The following TMEM59L variants were observed in gnomAD, a reference collection of about 807,000 sequenced individuals.
TMEM59L encodes the protein transmembrane protein 59-like.
In TMEM59L, 31 loss-of-function variants were observed where a neutral mutation model predicts 39.6. The observed-to-expected ratio is 0.78, with a 90% CI of 0.59 to 1.06. TMEM59L has a LOEUF of 1.06. TMEM59L is among the 50% of genes least tolerant of loss of function. The probability of loss-of-function intolerance (pLI) is 0.00; values close to 1 mark genes in which losing one functional copy is unlikely to be tolerated. For synonymous variants in TMEM59L, 219 were observed against 202.9 expected (o/e 1.08, Z -0.68); for missense variants, 441 against 451.3 (o/e 0.98, Z 0.21).
chr19:18,620,567 A>G lies in TMEM59L; in HGVS notation c.*31A>G, dbSNP rs1976485511. The G allele has an allele frequency of 2.5e-6, 4 of 1,607,476 alleles. No individual in the cohort carries two copies. The highest frequency in any genetic ancestry group is 2.2e-5 in the South Asian group (2 of 90,844). On this transcript the variant is annotated 3_prime_UTR_variant, in exon 8 of 8. Transcript: ENST00000262817. ...CACTGGCCCCATCACTGCCAACTGC[A>G]GGGGGCCCCTCGGGCCTCACTTGCC...
intron 7 of TMEM59L, 27 bp downstream of exon 7, chr19:18,618,519 G>A: frequency 6.3e-7 from 1 of 1,585,636 alleles, no homozygotes; most frequent in Non-Finnish European, 8.6e-7. Flanking sequence ...AATGGCGCTG[G>A]GCCGAGGGAG....
chr19:18,613,533 C>A (rs1344435383), intron 1 of TMEM59L, among the ~76,000 whole-genome samples: 6 of 151,934 alleles, frequency 3.9e-5, no homozygotes, highest in Non-Finnish European at 7.4e-5. Flanking sequence ...CAAGCCTGAT[C>A]TGCGTGTGAC....
At chr19:18,614,773 C>G (rs904750364) in intron 3 of TMEM59L, among the ~76,000 whole-genome samples, 1 of 152,192 alleles carries the variant, frequency 6.6e-6, no homozygotes, top group Non-Finnish European at 1.5e-5. Flanking sequence ...GAAATAATAA[C>G]GGTTCATCTA....
In TMEM59L at chr19:18,613,045, C is replaced by A. The variant is rs1976387310; in HGVS notation, c.87C>A (p.Arg29=). The A allele has an allele frequency of 7.2e-7, 1 of 1,392,684 alleles. No homozygotes were observed. Among genetic ancestry groups the A allele is most frequent in the Non-Finnish European group, 9.3e-7 (1 of 1,075,524 alleles). 86.3% of individuals were successfully genotyped at this position (1,392,684 alleles called of 1,614,324 possible). ...SPPAASAPSA[R]DPFAPQLGDT... ...CCGCCGCCTCCGCGCCGTCCGCCCG[C>A]GATCCCTTCGCCCCCCAGCTCGGGG... The change falls in exon 1 of 8, where the codon CGC becomes CGA. Residue 29 remains arginine, a synonymous_variant. Transcript: ENST00000262817.
At position 18,615,730 on chromosome 19, in the gene TMEM59L, C is replaced by G. The variant is rs778397751; in HGVS notation, c.409-245C>G. Among the ~76,000 whole-genome samples, 9 of 152,338 alleles carry G rather than the reference C, an allele frequency of 5.9e-5. No homozygotes were observed. The South Asian group carries it at 8.3e-4, about 14-fold the overall frequency. ...TCAAGCAAATCTCCTGCCTCAGCCT[C>G]TGGAGTAGCTGAGATTCCAGGCGTG... On this transcript the variant is annotated intron_variant, in intron 3 of 7. Transcript: ENST00000262817.
At chr19:18,620,356 G>C (rs1187613055) in intron 7 of TMEM59L, 52 bp from the exon 8 acceptor site, 1 of 1,540,170 alleles carries the variant, frequency 6.5e-7, no homozygotes, top group African/African-American at 1.4e-5. Flanking sequence ...CAGGGTTGGG[G>C]GCTCGGCCTC....
At chr19:18,618,936 C>T (rs1976464470) in intron 7 of TMEM59L, among the ~76,000 whole-genome samples, 1 of 151,816 alleles carries the variant, frequency 6.6e-6, no homozygotes, top group African/African-American at 2.4e-5. Context: ...CTCAGGTGAT[C>T]CATCCGCCTC....
rs944824408 is a variant in TMEM59L, at chr19:18,620,605, G to T, written c.*69G>T. 3.8e-6 allele frequency: 6 copies of T among 1,560,556 alleles called. No individual in the cohort carries two copies. The highest frequency in any genetic ancestry group is 1.2e-5 in the South Asian group (1 of 85,974). On this transcript the variant is annotated 3_prime_UTR_variant, in exon 8 of 8. Transcript: ENST00000262817. ...GGCCTCACTTGCCCTGAGCCCAGGA[G>T]TCCAAGGGCAGGGTGGGTCCAGCCT...
rs1316115674 is a variant in TMEM59L, at chr19:18,617,023, C to T, written c.585C>T (p.Leu195=). The change falls in exon 5 of 8, where the codon CTC becomes CTT. Residue 195 remains leucine, a synonymous_variant. Transcript: ENST00000262817. The stretch of plus-strand genomic sequence containing the variant: ...AGACTCAGCCCATAGTGGAGAGCCT[C>T]GGCTTCCAGGGGGGCCGTCTGCAGC... ...VFQTQPIVES[L]GFQGGRLQRV... 8 of 1,612,124 alleles carry T rather than the reference C, an allele frequency of 5.0e-6. No individual in the cohort carries two copies. Among genetic ancestry groups the T allele is most frequent in the East Asian group, 4.5e-5 (2 of 44,864 alleles).
intron 3 of TMEM59L, among the ~76,000 whole-genome samples, chr19:18,614,625 C>A (rs1035363462): frequency 6.6e-6 from 1 of 152,248 alleles, no homozygotes; most frequent in African/African-American, 2.4e-5. Context: ...CTCTTAGGCG[C>A]CCCCAGAGCT....
chr19:18,616,002 G>C lies in TMEM59L; in HGVS notation c.436G>C (p.Ala146Pro). The change falls in exon 4 of 8, where the codon GCC becomes CCC. Residue 146 changes from alanine (A) to proline (P), a missense_variant. Ala to Pro is a conservative substitution (Grantham distance 27, BLOSUM62 -1). Transcript: ENST00000262817. ...KRKVLEAPSG[A>P]LSLLDLFSTL... ...AAAGGTCCTGGAGGCTCCAAGTGGG[G>C]CCCTCTCCCTCTTGGACTTGTTTTC... The C allele has an allele frequency of 1.2e-6, 2 of 1,613,994 alleles. No individual in the cohort carries two copies. The highest frequency in any genetic ancestry group is 8.5e-7 in the Non-Finnish European group (1 of 1,179,966).
At position 18,617,035 on chromosome 19, in the gene TMEM59L, G is replaced by T; in HGVS notation, c.597G>T (p.Gly199=). 6.2e-7 allele frequency: 1 copy of T among 1,612,932 alleles called. No individual in the cohort carries two copies. Among genetic ancestry groups the T allele is most frequent in the Non-Finnish European group, 8.5e-7 (1 of 1,179,664 alleles). Reference sequence around the variant, plus strand: ...TAGTGGAGAGCCTCGGCTTCCAGGGGGGCCGTCTGCAGCGCGTGGAGGTGA... The same window carrying T: ...TAGTGGAGAGCCTCGGCTTCCAGGGTGGCCGTCTGCAGCGCGTGGAGGTGA... ...QPIVESLGFQ[G]GRLQRVEVTW... The change falls in exon 5 of 8, where the codon GGG becomes GGT. Residue 199 remains glycine (G), a synonymous_variant. Coordinates refer to ENST00000262817, the MANE Select transcript of TMEM59L (RefSeq NM_012109.3).
Position 18,613,139 on chromosome 19 carries a change from G to T in TMEM59L, c.171+10G>T. 9 of 1,273,396 alleles carry T rather than the reference G, an allele frequency of 7.1e-6. No homozygotes were observed. In the South Asian group the frequency reaches 1.7e-4, roughly 24 times the overall value. 78.9% of individuals were successfully genotyped at this position (1,273,396 alleles called of 1,614,324 possible). A position where few individuals can be genotyped will look rare whatever the true frequency, so the allele number is the denominator to read the frequency against. On this transcript the variant is annotated intron_variant, in intron 1 of 7. Coordinates refer to ENST00000262817, the MANE Select transcript of TMEM59L (RefSeq NM_012109.3). ...CCCGCAGCCCTCGCAGGTGAGGCGC[G>T]TGCGGTGCCAGGTGCCAGCGGGGGA...
chr19:18,612,947 T>G lies in TMEM59L; in HGVS notation c.-12T>G. The G allele has an allele frequency of 7.7e-7, 1 of 1,295,298 alleles. No homozygotes were observed. The highest frequency in any genetic ancestry group is 9.7e-7 in the Non-Finnish European group (1 of 1,025,808). 80.2% of individuals were successfully genotyped at this position (1,295,298 alleles called of 1,614,324 possible). On this transcript the variant is annotated 5_prime_UTR_variant, in exon 1 of 8. Coordinates refer to ENST00000262817, the MANE Select transcript of TMEM59L (RefSeq NM_012109.3). The surrounding 1 kb of genome is among the most constrained non-coding windows in gnomAD (Gnocchi z 6.2). The stretch of plus-strand genomic sequence containing the variant: ...GCTGGAGTCCCCCGCGCCCCCCGCG[T>G]TCCGCCCGGCCATGGCTGCGGTGGC...
intron 3 of TMEM59L, among the ~76,000 whole-genome samples, chr19:18,615,155 G>A (rs1228139340): frequency 6.6e-6 from 1 of 152,028 alleles, no homozygotes; most frequent in African/African-American, 2.4e-5. Flanking sequence ...GCTAATTTTT[G>A]TATTTTTAGG....
chr19:18,620,306 A>G (rs537385196), intron 7 of TMEM59L, 102 bp from the exon 8 acceptor site: 1 of 1,268,100 alleles, frequency 7.9e-7, no homozygotes, highest in Middle Eastern at 2.0e-4. Flanking sequence ...TCTCAAAAAA[A>G]GAAAAAAAAT....
Position 18,618,352 on chromosome 19 carries a change from G to T in TMEM59L, c.783-23G>T, listed in dbSNP as rs199880255. 566 of 1,609,902 alleles carry T rather than the reference G, an allele frequency of 3.5e-4. 4 individuals are homozygous for T. In the East Asian group the frequency reaches 0.012, roughly 33 times the overall value. The stretch of plus-strand genomic sequence containing the variant: ...CCCTGGTCCCGGCCTGGGCAGCTGA[G>T]TGGTGCCTGCCGGGCGGGGCAGGCG... On this transcript the variant is annotated intron_variant, in intron 6 of 7. Transcript: ENST00000262817.
Position 18,612,987 on chromosome 19 carries a change from C to CGCTGCT in TMEM59L, c.43_48dup (p.Leu16_Leu17dup), listed in dbSNP as rs748071337. ...GCTGCGGTGGCGCTGATGCCACCGC[C>CGCTGCT]GCTGCTGCTGCTGCTGCTGTTGGCG... is the stretch of plus-strand genomic sequence containing the variant. On this transcript the variant is annotated inframe_insertion, in exon 1 of 8. Coordinates refer to ENST00000262817, the MANE Select transcript of TMEM59L (RefSeq NM_012109.3). The surrounding 1 kb of genome is among the most constrained non-coding windows in gnomAD (Gnocchi z 6.2). 66 of 1,360,450 alleles carry CGCTGCT rather than the reference C, an allele frequency of 4.9e-5. No individual in the cohort carries two copies. The highest frequency in any genetic ancestry group is 6.1e-5 in the African/African-American group (4 of 65,472). 84.3% of individuals were successfully genotyped at this position (1,360,450 alleles called of 1,614,324 possible).
At position 18,620,700 on chromosome 19, in the gene TMEM59L, C is replaced by T. The variant is rs545057939; in HGVS notation, c.*164C>T. 1.4e-5 allele frequency: 15 copies of T among 1,037,336 alleles called. No homozygotes were observed. The highest frequency in any genetic ancestry group is 1.3e-4 in the South Asian group (6 of 47,430). 64.3% of individuals were successfully genotyped at this position (1,037,336 alleles called of 1,614,324 possible). On this transcript the variant is annotated 3_prime_UTR_variant, in exon 8 of 8. Transcript: ENST00000262817. Reference sequence around the variant, plus strand: ...CCCTTGCCCCACGGAGTCCTGGGGACGCAGTGCCCCAGCTGGGAAGAGGGC... The same window carrying T: ...CCCTTGCCCCACGGAGTCCTGGGGATGCAGTGCCCCAGCTGGGAAGAGGGC...
Sources: gnomAD v4.1 joint callset for allele counts (sites outside exome capture counted in the v4.1 genomes callset) on GRCh38, gnomAD v4.1.1 for gene constraint, Gnocchi (gnomAD v3.1) non-coding constraint, MANE v1.5 for transcripts, NCBI Gene and HGNC (gene_info 2026-07-23, HGNC 2026-07-21) for gene names.